The following RANBP17 variants were observed in gnomAD, a reference collection of about 807,000 sequenced individuals.
RANBP17 encodes the protein RAN binding protein 17.
Under a neutral mutation model 141.2 loss-of-function variants are expected in RANBP17, and 158 were observed. That is an observed-to-expected ratio of 1.12 (90% confidence interval 0.98 to 1.28). The LOEUF is 1.28. Among genes scored for constraint, RANBP17 ranks in the 50% most tolerant of loss-of-function variants. The pLI, the probability that RANBP17 is intolerant of heterozygous loss-of-function variation, is 0.00. For missense variants in RANBP17, 1,438 were observed against 1,290.7 expected, an observed-to-expected ratio of 1.11 and a Z score of -1.75; for synonymous variants, 430 against 450.0, an observed-to-expected ratio of 0.96 and a Z score of 0.56.
intron 22 of RANBP17, among the ~76,000 whole-genome samples, chr5:171,230,086 T>C (rs776019807): frequency 2.0e-5 from 3 of 151,816 alleles, no homozygotes. Context: ...AAAAAAAGAA[T>C]CTTATAGATT....
chr5:171,103,342 T>C (rs1429137854), intron 14 of RANBP17, among the ~76,000 whole-genome samples: 2 of 152,310 alleles, frequency 1.3e-5, no homozygotes, highest in African/African-American at 2.4e-5. Context: ...ACAGCGACTT[T>C]GCCTAGCTGC....
intron 14 of RANBP17, among the ~76,000 whole-genome samples, chr5:171,151,972 G>A (rs970338232): frequency 6.6e-6 from 1 of 152,044 alleles, no homozygotes; most frequent in Non-Finnish European, 1.5e-5. Flanking sequence ...GGTATATGAG[G>A]GCGGAGGGCA....
intron 18 of RANBP17, among the ~76,000 whole-genome samples, chr5:171,187,548 T>C (rs867827250): frequency 9.8e-5 from 15 of 152,344 alleles, no homozygotes; most frequent in South Asian, 6.2e-4. Flanking sequence ...AAATTTTATC[T>C]GTAAATTTAA....
intron 14 of RANBP17, among the ~76,000 whole-genome samples, chr5:170,990,827 G>A (rs2127563729): frequency 6.6e-6 from 1 of 152,078 alleles, no homozygotes; most frequent in South Asian, 2.1e-4. Flanking sequence ...TAAAGAGGCA[G>A]TGATAAATGA....
rs70982330 is a variant in RANBP17 at position 171,277,637 on chromosome 5, GTATATATATATATATA to G, written c.2943+11806_2943+11821del. 7.2e-4 allele frequency among the ~76,000 whole-genome samples: 41 copies of G among 56,920 alleles called. 3 individuals are homozygous for G. The highest frequency in any genetic ancestry group is 4.4e-3 in the East Asian group (5 of 1,140). The allele number at this position is 56,920 out of a possible 152,430, so 37.3% of individuals were successfully genotyped here. ...GTGCCTTACGTATACATATATGTAT[GTATATATATATATATA>G]TATATATATATATATTTATGTCTTA... On this transcript the variant is annotated intron_variant, in intron 25 of 27. Transcript: ENST00000523189.
chr5:170,913,269 A>G (rs1481574306), intron 7 of RANBP17, among the ~76,000 whole-genome samples: 1 of 152,066 alleles, frequency 6.6e-6, no homozygotes, highest in African/African-American at 2.4e-5. Flanking sequence ...TGACAGTGAA[A>G]GACATAGAAA....
chr5:170,968,269 T>G lies in RANBP17; in HGVS notation c.1602T>G (p.Asp534Glu). The change falls in exon 14 of 28, where the codon GAT (aspartate) becomes GAG (glutamate). Residue 534 changes from aspartate (D) to glutamate (E), a missense_variant. By Grantham distance (45) the Asp-to-Glu change is conservative (BLOSUM62 2). Coordinates refer to ENST00000523189, the MANE Select transcript of RANBP17 (RefSeq NM_022897.5). Reference sequence around the variant, plus strand: ...TTTTTCAGCTTATATCTTTAATGGATACCGGATTGCCTCGATGTTGTAATG... The same window carrying G: ...TTTTTCAGCTTATATCTTTAATGGAGACCGGATTGCCTCGATGTTGTAATG... ...CRVFQLISLM[D>E]TGLPRCCNEK... The G allele has an allele frequency of 6.3e-7, 1 of 1,598,234 alleles. No individual in the cohort carries two copies. The highest frequency in any genetic ancestry group is 8.5e-7 in the Non-Finnish European group (1 of 1,174,904).
intron 18 of RANBP17, among the ~76,000 whole-genome samples, chr5:171,198,413 A>G (rs1266968444): frequency 6.6e-6 from 1 of 152,236 alleles, no homozygotes. Flanking sequence ...AAGGAAAGAG[A>G]TAAATCACAG....
intron 24 of RANBP17, among the ~76,000 whole-genome samples, chr5:171,257,243 G>A (rs1765958604): frequency 6.6e-6 from 1 of 152,222 alleles, no homozygotes; most frequent in Non-Finnish European, 1.5e-5. Context: ...CAGGAATGCA[G>A]CGTTAATTCA....
At chr5:171,154,658 A>C (rs911830638) in intron 14 of RANBP17, among the ~76,000 whole-genome samples, 10 of 152,338 alleles carry the variant, frequency 6.6e-5, no homozygotes, top group Admixed American at 4.6e-4. Context: ...AATGTCAGTG[A>C]ATACATATTT....
chr5:171,067,416 A>G (rs1784374980), intron 14 of RANBP17, among the ~76,000 whole-genome samples: 1 of 152,188 alleles, frequency 6.6e-6, no homozygotes, highest in African/African-American at 2.4e-5. Context: ...GTTACAAACC[A>G]AAAATACAAT....
chr5:170,969,296 T>G (rs1241268271), intron 14 of RANBP17, among the ~76,000 whole-genome samples: 2 of 151,810 alleles, frequency 1.3e-5, no homozygotes, highest in Non-Finnish European at 3.0e-5. Flanking sequence ...GATATTATCA[T>G]TTAGGATTAA....
At chr5:171,054,080 A>G (rs1012873508) in intron 14 of RANBP17, among the ~76,000 whole-genome samples, 1 of 151,658 alleles carries the variant, frequency 6.6e-6, no homozygotes, top group Non-Finnish European at 1.5e-5. Context: ...TCTTTTAGTT[A>G]CTGTTTGCAT....
intron 14 of RANBP17, among the ~76,000 whole-genome samples, chr5:171,088,422 G>C (rs1178077452): frequency 6.6e-6 from 1 of 152,050 alleles, no homozygotes; most frequent in African/African-American, 2.4e-5. Context: ...AACCTTGGAG[G>C]ATGTGACAAT....
At chr5:171,204,183 C>T (rs1382653408) in intron 19 of RANBP17, among the ~76,000 whole-genome samples, 1 of 152,080 alleles carries the variant, frequency 6.6e-6, no homozygotes, top group East Asian at 1.9e-4. Context: ...AACAAAAATT[C>T]AGAGTTTTCA....
chr5:171,221,793 A>G lies in RANBP17; in HGVS notation c.2375A>G (p.Asn792Ser). 1 of 1,611,410 alleles carries G rather than the reference A, an allele frequency of 6.2e-7. No homozygotes were observed. Among genetic ancestry groups the G allele is most frequent in the South Asian group, 1.1e-5 (1 of 90,944 alleles). Residue 792 changes from asparagine (N) to serine (S), a missense_variant, in exon 22 of 28, where the codon AAT becomes AGT. Physicochemically the swap from Asn to Ser is conservative, Grantham distance 46. Transcript: ENST00000523189. ...QRLNFDVSSPNGILLFREASK... is the reference protein window; with the variant it reads ...QRLNFDVSSPSGILLFREASK... ...TTGAATTTTGATGTATCATCTCCTA[A>G]TGGAATTCTTCTCTTCAGAGAAGCT...
chr5:171,218,916 T>G (rs543836855), intron 21 of RANBP17, among the ~76,000 whole-genome samples: 1 of 152,324 alleles, frequency 6.6e-6, no homozygotes, highest in South Asian at 2.1e-4. Context: ...GTTAATATTA[T>G]GTTTCAATTT....
rs560221582 is a variant in RANBP17, at chr5:171,061,653, G to C, written c.1710+93276G>C. Among the ~76,000 whole-genome samples the C allele has an allele frequency of 9.9e-5, 15 of 152,260 alleles. No individual in the cohort carries two copies. In the East Asian group the frequency reaches 2.3e-3, roughly 23 times the overall value. On this transcript the variant is annotated intron_variant, in intron 14 of 27. Coordinates refer to ENST00000523189, the MANE Select transcript of RANBP17 (RefSeq NM_022897.5). ...ATGTATATTCTGTTGATTTGGGGTG[G>C]AGAGTTCTGTAGGTGTCTATTAGGT... is the stretch of plus-strand genomic sequence containing the variant.
intron 5 of RANBP17, chr5:170,897,300 T>TA: frequency 1.6e-6 from 1 of 621,678 alleles, no homozygotes; most frequent in African/African-American, 1.8e-5. Flanking sequence ...TTCTTTATAA[T>TA]ACATTCCGTG....
Sources: allele counts gnomAD v4.1 joint callset (sites outside exome capture counted in the v4.1 genomes callset), GRCh38; gene constraint gnomAD v4.1.1; transcripts MANE v1.5; gene names NCBI Gene and HGNC (gene_info 2026-07-23, HGNC 2026-07-21).